SRSF6: variants seen among roughly 807,000 people sequenced by gnomAD.
SRSF6 encodes the protein serine/arginine-rich splicing factor 6.
SRSF6 carries 17 observed loss-of-function variants against 42.0 expected under a neutral mutation model. The ratio of observed to expected loss-of-function variants is 0.40; its 90% CI spans 0.28 to 0.61. The LOEUF is 0.61. SRSF6 is among the 20% of genes least tolerant of loss of function. The probability of loss-of-function intolerance (pLI) is 0.37; values close to 1 mark genes in which losing one functional copy is unlikely to be tolerated. For missense variants in SRSF6, 379 were observed against 471.4 expected (o/e 0.80, Z 1.81); for synonymous variants, 204 against 166.7 (o/e 1.22, Z -1.72).
rs2017569102 is a variant in SRSF6 at position 43,460,569 on chromosome 20, A to G, written c.645A>G (p.Arg215=). ...GGAGTCGCAGGAGCAGCCGCAGTAG[A>G]TCTCGAAGTATCTCAAAAAGTCGCT... The part of the protein sequence containing the change: ...RSRSRRSSRS[R]SRSISKSRSR... The change falls in exon 5 of 6, where the codon AGA becomes AGG. Residue 215 remains arginine (R), a synonymous_variant. Coordinates refer to ENST00000244020, the MANE Select transcript of SRSF6 (RefSeq NM_006275.6). 5.6e-6 allele frequency: 9 copies of G among 1,614,184 alleles called. No homozygotes were observed. The highest frequency in any genetic ancestry group is 7.6e-6 in the Non-Finnish European group (9 of 1,180,034).
intron 2 of SRSF6, 128 bp downstream of exon 2, chr20:43,458,637 G>GC: frequency 1.0e-6 from 1 of 984,822 alleles, no homozygotes; most frequent in Non-Finnish European, 1.4e-6. Context: ...CCCGAGCCCC[G>GC]CTGCCTTCAC....
chr20:43,458,312 C>T (rs753887837), intron 1 of SRSF6, 49 bp from the exon 2 acceptor site: 36 of 1,464,560 alleles, frequency 2.5e-5, no homozygotes, highest in African/African-American at 1.5e-5. Context: ...ACGTGCGCGT[C>T]CTGGCTAACG....
chr20:43,460,371 C>T (rs370820136), intron 4 of SRSF6, 130 bp downstream of exon 4: 20 of 1,245,812 alleles, frequency 1.6e-5, no homozygotes, highest in Admixed American at 2.1e-5. Flanking sequence ...TGCATCATTG[C>T]GTTCTTTTCT....
chr20:43,459,745 C>G (rs772737357), intron 2 of SRSF6, 26 bp from the exon 3 acceptor site: 4 of 1,612,286 alleles, frequency 2.5e-6, no homozygotes, highest in East Asian at 2.2e-5. Flanking sequence ...TACAAGGCAT[C>G]TAATTGTTCC....
At chr20:43,459,073 T>A in intron 2 of SRSF6, 1 of 1,282,534 alleles carries the variant, frequency 7.8e-7, no homozygotes, top group Non-Finnish European at 1.0e-6. Context: ...GATTTTTGGT[T>A]ATGTTAAATG....
intron 4 of SRSF6, 73 bp from the exon 5 acceptor site, chr20:43,460,442 C>G (rs2017566407): frequency 1.4e-6 from 2 of 1,445,442 alleles, no homozygotes; most frequent in Non-Finnish European, 1.9e-6. Context: ...TTTGGCTTAT[C>G]TATTTTTGCC....
Position 43,460,434 on chromosome 20 carries a change from T to C in SRSF6, c.591-81T>C, listed in dbSNP as rs542634539. 76 of 1,486,322 alleles carry C rather than the reference T, an allele frequency of 5.1e-5. No individual in the cohort carries two copies. The East Asian group carries it at 1.7e-3, about 33-fold the overall frequency. 92.1% of individuals were successfully genotyped at this position (1,486,322 alleles called of 1,614,324 possible). Reference sequence around the variant, plus strand: ...CGTAGTAAAGAAAAACATTATTCTTTGGCTTATCTATTTTTGCCAGATGGC... The same window carrying C: ...CGTAGTAAAGAAAAACATTATTCTTCGGCTTATCTATTTTTGCCAGATGGC... On this transcript the variant is annotated intron_variant, in intron 4 of 5. Transcript: ENST00000244020.
In SRSF6 at chr20:43,460,113, C is replaced by A. The variant is rs1185387053; in HGVS notation, c.462C>A (p.Arg154=). 1 of 1,614,226 alleles carries A rather than the reference C, an allele frequency of 6.2e-7. No individual in the cohort carries two copies. The highest frequency in any genetic ancestry group is 8.5e-7 in the Non-Finnish European group (1 of 1,180,036). ...ERTNEGVIEF[R]SYSDMKRALD... ...CAAATGAGGGTGTAATTGAGTTTCGCTCCTACTCTGACATGAAGCGTGCTT... is the reference window on the plus strand; with the variant it reads ...CAAATGAGGGTGTAATTGAGTTTCGATCCTACTCTGACATGAAGCGTGCTT... Residue 154 remains arginine, a synonymous_variant, in exon 4 of 6, where the codon CGC becomes CGA. Coordinates refer to ENST00000244020, the MANE Select transcript of SRSF6 (RefSeq NM_006275.6).
At chr20:43,460,314 A>G (rs1361337812) in intron 4 of SRSF6, 73 bp downstream of exon 4, 17 of 1,518,174 alleles carry the variant, frequency 1.1e-5, no homozygotes, top group African/African-American at 2.8e-5. Flanking sequence ...AGTGATGTCA[A>G]TTGTTGCCTA....
chr20:43,458,160 C>T lies in SRSF6; in HGVS notation c.107+20C>T, dbSNP rs768988595. 1.8e-4 allele frequency: 282 copies of T among 1,605,838 alleles called. 1 individual carries two copies. The highest frequency in any genetic ancestry group is 9.5e-5 in the Non-Finnish European group (111 of 1,174,538). ...AAATGGGTGAGTCGGGCCTGGGCGC[C>T]CGCGCCCAGCGTCCCAGGCCTGGTG... On this transcript the variant is annotated intron_variant, in intron 1 of 5. Coordinates refer to ENST00000244020, the MANE Select transcript of SRSF6 (RefSeq NM_006275.6).
At chr20:43,460,649 G>A (rs2017570667) in intron 5 of SRSF6, 51 bp downstream of exon 5, 1 of 1,613,208 alleles carries the variant, frequency 6.2e-7, no homozygotes, top group East Asian at 2.2e-5. Flanking sequence ...CTTGTTTATG[G>A]AGTATGTGTA....
rs1568901688 is a variant in SRSF6, at chr20:43,461,341, T to TTG, written c.*279_*280insGT. On this transcript the variant is annotated 3_prime_UTR_variant, in exon 6 of 6. Coordinates refer to ENST00000244020, the MANE Select transcript of SRSF6 (RefSeq NM_006275.6). ...AGATTAAGCTCATTTAGTGTTGTTT[T>TTG]TTTTTTTTTTTTTTTTTTTTTTTTT... 3 of 21,762 alleles carry TTG rather than the reference T, an allele frequency of 1.4e-4. No homozygotes were observed. Among genetic ancestry groups the TTG allele is most frequent in the African/African-American group, 3.5e-4 (3 of 8,612 alleles). The allele number at this position is 21,762 out of a possible 1,614,324, so 1.3% of individuals were successfully genotyped here. A position where few individuals can be genotyped will look rare whatever the true frequency, so the allele number is the denominator to read the frequency against.
chr20:43,461,362 T>TAAG lies in SRSF6; in HGVS notation c.*299_*300insAAG, dbSNP rs2017594719. 1 of 225,222 alleles carries TAAG rather than the reference T, an allele frequency of 4.4e-6. No individual in the cohort carries two copies. Among genetic ancestry groups the TAAG allele is most frequent in the African/African-American group, 2.9e-5 (1 of 34,946 alleles). 14.0% of individuals were successfully genotyped at this position (225,222 alleles called of 1,614,324 possible). ...GTTTTTTTTTTTTTTTTTTTTTTTT[T>TAAG]TTTTTTTTTTTTAGTATTTCAGCAG... On this transcript the variant is annotated 3_prime_UTR_variant, in exon 6 of 6. Transcript: ENST00000244020.
rs2017631798 is a variant in SRSF6, at chr20:43,463,089, GCT to G, written c.*2031_*2032del. On this transcript the variant is annotated 3_prime_UTR_variant, in exon 6 of 6. Transcript: ENST00000244020. Reference sequence around the variant, plus strand: ...AAAGTATGAAACATCCTTCAACTGGGCTCTCTTGTTAATAGGACATCATATGG... The same window carrying G: ...AAAGTATGAAACATCCTTCAACTGGGCTCTTGTTAATAGGACATCATATGG... 1 of 152,416 alleles carries G rather than the reference GCT, an allele frequency of 6.6e-6. No individual in the cohort carries two copies. Among genetic ancestry groups the G allele is most frequent in the Non-Finnish European group, 1.5e-5 (1 of 67,910 alleles). The allele number at this position is 152,416 out of a possible 1,614,324, so 9.4% of individuals were successfully genotyped here.
chr20:43,458,220 G>A, intron 1 of SRSF6, 80 bp downstream of exon 1: 1 of 1,487,864 alleles, frequency 6.7e-7, no homozygotes, highest in Non-Finnish European at 9.0e-7. Flanking sequence ...AAGCGGCCAA[G>A]GCCGCGGCGC....
rs749888905 is a variant in SRSF6 at position 43,458,305 on chromosome 20, T to G, written c.108-56T>G. On this transcript the variant is annotated intron_variant, in intron 1 of 5. Transcript: ENST00000244020. ...GCGGTGGGGTACGGGCGCGCGCACGTGCGCGTCCTGGCTAACGACTCCCCC... is the reference window on the plus strand; with the variant it reads ...GCGGTGGGGTACGGGCGCGCGCACGGGCGCGTCCTGGCTAACGACTCCCCC... 194 of 1,409,644 alleles carry G rather than the reference T, an allele frequency of 1.4e-4. 2 individuals carry two copies. The highest frequency in any genetic ancestry group is 6.5e-4 in the South Asian group (46 of 70,316). 87.3% of individuals were successfully genotyped at this position (1,409,644 alleles called of 1,614,324 possible).
In SRSF6 at chr20:43,460,933, A is replaced by G. The variant is rs2017576408; in HGVS notation, c.905A>G (p.Asn302Ser). The G allele has an allele frequency of 6.2e-7, 1 of 1,614,172 alleles. No homozygotes were observed. Among genetic ancestry groups the G allele is most frequent in the South Asian group, 1.1e-5 (1 of 91,084 alleles). ...KSRSRSQSRS[N>S]SPLPVPPSKA... ...AGATCAAGGAGCCAGTCCCGTTCCAATTCGCCGCTACCTGTTCCACCCTCA... is the reference window on the plus strand; with the variant it reads ...AGATCAAGGAGCCAGTCCCGTTCCAGTTCGCCGCTACCTGTTCCACCCTCA... Residue 302 changes from asparagine (N) to serine (S), a missense_variant, in exon 6 of 6, where the codon AAT (asparagine) becomes AGT (serine). Asn to Ser is a conservative substitution (Grantham distance 46, BLOSUM62 1). Transcript: ENST00000244020.
In SRSF6 at chr20:43,463,783, T is replaced by G. The variant is rs1455616293; in HGVS notation, c.*2720T>G. 1.3e-5 allele frequency: 2 copies of G among 152,252 alleles called. No homozygotes were observed. The highest frequency in any genetic ancestry group is 1.3e-4 in the Admixed American group (2 of 15,278). 9.4% of individuals were successfully genotyped at this position (152,252 alleles called of 1,614,324 possible). A position where few individuals can be genotyped will look rare whatever the true frequency, so the allele number is the denominator to read the frequency against. Reference sequence around the variant, plus strand: ...TAGTATATGGTTTATGTTGGGCAACTCATTAATCACTGTGCTTCAGTGTCA... The same window carrying G: ...TAGTATATGGTTTATGTTGGGCAACGCATTAATCACTGTGCTTCAGTGTCA... On this transcript the variant is annotated 3_prime_UTR_variant, in exon 6 of 6. Coordinates refer to ENST00000244020, the MANE Select transcript of SRSF6 (RefSeq NM_006275.6).
At chr20:43,459,515 A>T (rs2017550319) in intron 2 of SRSF6, 5 of 1,327,276 alleles carry the variant, frequency 3.8e-6, no homozygotes. Context: ...TCTGTAAAAT[A>T]AAACTTAGCG....
Sources: allele counts gnomAD v4.1 joint callset, GRCh38; gene constraint gnomAD v4.1.1; transcripts MANE v1.5; gene names NCBI Gene and HGNC (gene_info 2026-07-23, HGNC 2026-07-21).